Variants in FCHSD2 observed in about 807,000 individuals in gnomAD.
The protein encoded by FCHSD2 is FCH and double SH3 domains 2, also known as F-BAR and double SH3 domains protein 2.
FCHSD2 carries 38 observed loss-of-function variants against 108.1 expected under a neutral mutation model. That is an observed-to-expected ratio of 0.35 (90% CI 0.27 to 0.46). The LOEUF (loss-of-function observed/expected upper bound fraction) is 0.46. Ranked by LOEUF, FCHSD2 falls within the 20% of genes least tolerant of loss-of-function variation. The pLI, the probability that FCHSD2 is intolerant of heterozygous loss-of-function variation, is 1.00. For synonymous variants in FCHSD2, 279 were observed against 314.7 expected (o/e 0.89, Z 1.20); for missense variants, 751 against 897.8 (o/e 0.84, Z 2.09).
chr11:73,059,294 C>T (rs1286242012), intron 3 of FCHSD2, among the ~76,000 whole-genome samples: 1 of 151,648 alleles, frequency 6.6e-6, no homozygotes, highest in Admixed American at 6.6e-5. Flanking sequence ...TTTTTTAACC[C>T]CCATACCAGA....
At chr11:72,902,467 T>A (rs555671569) in intron 10 of FCHSD2, 76 bp downstream of exon 10, 158 of 926,334 alleles carry the variant, frequency 1.7e-4, no homozygotes, top group South Asian at 5.2e-4. Context: ...TCTGTCTGTC[T>A]ATGCCAAGGG....
chr11:72,952,300 G>A (rs180805587), intron 8 of FCHSD2, among the ~76,000 whole-genome samples: 12 of 150,814 alleles, frequency 8.0e-5, no homozygotes, highest in Non-Finnish European at 1.0e-4. Flanking sequence ...ACACTTTTTT[G>A]TTTGCTTGTG....
intron 3 of FCHSD2, among the ~76,000 whole-genome samples, chr11:73,070,031 C>T (rs562842709): frequency 6.6e-6 from 1 of 152,026 alleles, no homozygotes; most frequent in Non-Finnish European, 1.5e-5. Flanking sequence ...TTCCAGGTGG[C>T]GAAAGTAAAA....
intron 8 of FCHSD2, chr11:72,941,170 T>C (rs1856410156): frequency 2.7e-6 from 1 of 370,934 alleles, no homozygotes; most frequent in Non-Finnish European, 4.9e-6. Flanking sequence ...AAAAAATAAA[T>C]AAATAAGCTA....
At chr11:73,127,770 C>T (rs921986556) in intron 2 of FCHSD2, among the ~76,000 whole-genome samples, 1 of 151,656 alleles carries the variant, frequency 6.6e-6, no homozygotes, top group Non-Finnish European at 1.5e-5. Flanking sequence ...AGGCACTTCA[C>T]TAATGCCTTC....
chr11:72,903,604 T>A (rs1855572268), intron 9 of FCHSD2, among the ~76,000 whole-genome samples: 1 of 152,024 alleles, frequency 6.6e-6, no homozygotes, highest in South Asian at 2.1e-4. Flanking sequence ...TTCATTGCAT[T>A]TACATACCTT....
chr11:72,965,310 T>C (rs1216124395), intron 8 of FCHSD2, among the ~76,000 whole-genome samples: 1 of 152,220 alleles, frequency 6.6e-6, no homozygotes, highest in Non-Finnish European at 1.5e-5. Flanking sequence ...CATTTGCCTG[T>C]CTTCCAGGAA....
At chr11:72,874,787 A>G (rs951141789) in intron 12 of FCHSD2, among the ~76,000 whole-genome samples, 2 of 152,226 alleles carry the variant, frequency 1.3e-5, no homozygotes, top group Admixed American at 1.3e-4. Context: ...AGTTGCTTAT[A>G]AGTTAAAAAT....
In FCHSD2 at chr11:73,126,339, T is replaced by TAAAAAAAAAAAAAAAAAA. The variant is rs61586562; in HGVS notation, c.119+13674_119+13691dup. ...TGGGCAACAGGGCAAGATTCCATCT[T>TAAAAAAAAAAAAAAAAAA]AAAAAAAAAAAAAAAAAAAAAAAAA... is the stretch of plus-strand genomic sequence containing the variant. On this transcript the variant is annotated intron_variant, in intron 2 of 19. Coordinates refer to ENST00000409418, the MANE Select transcript of FCHSD2 (RefSeq NM_014824.3). Among the ~76,000 whole-genome samples, 14 of 27,650 alleles carry TAAAAAAAAAAAAAAAAAA rather than the reference T, an allele frequency of 5.1e-4. 1 individual carries two copies. Among genetic ancestry groups the TAAAAAAAAAAAAAAAAAA allele is most frequent in the Non-Finnish European group, 7.1e-4 (8 of 11,240 alleles). 18.1% of individuals were successfully genotyped at this position (27,650 alleles called of 152,430 possible).
intron 9 of FCHSD2, among the ~76,000 whole-genome samples, chr11:72,917,221 G>T (rs1311302149): frequency 6.6e-6 from 1 of 152,076 alleles, no homozygotes; most frequent in East Asian, 1.9e-4. Flanking sequence ...CTGATCTCAT[G>T]ATCCACCCAT....
At chr11:72,943,153 A>C (rs1210072517) in intron 8 of FCHSD2, among the ~76,000 whole-genome samples, 2 of 151,958 alleles carry the variant, frequency 1.3e-5, no homozygotes, top group Non-Finnish European at 2.9e-5. Flanking sequence ...CACCATGCCC[A>C]GCTAATTTTT....
intron 3 of FCHSD2, among the ~76,000 whole-genome samples, chr11:73,059,539 G>C (rs906423919): frequency 6.6e-6 from 1 of 151,980 alleles, no homozygotes; most frequent in Non-Finnish European, 1.5e-5. Context: ...AACTTCTTCT[G>C]CCTTGTACTA....
At chr11:72,929,969 T>C (rs1856155419) in intron 8 of FCHSD2, among the ~76,000 whole-genome samples, 1 of 152,140 alleles carries the variant, frequency 6.6e-6, no homozygotes. Context: ...CAGACTCCAG[T>C]TGTGTAAGAG....
intron 9 of FCHSD2, among the ~76,000 whole-genome samples, chr11:72,920,099 A>T (rs1855950172): frequency 6.6e-6 from 1 of 152,292 alleles, no homozygotes; most frequent in South Asian, 2.1e-4. Flanking sequence ...ACAATAACAT[A>T]AACTGTAAGA....
intron 13 of FCHSD2, among the ~76,000 whole-genome samples, chr11:72,859,742 T>C (rs1861521000): frequency 6.6e-6 from 1 of 152,146 alleles, no homozygotes; most frequent in Admixed American, 6.6e-5. Context: ...TCAGTACATA[T>C]ATGTGAAGAA....
chr11:72,941,718 T>C (rs533315283), intron 8 of FCHSD2, among the ~76,000 whole-genome samples: 1 of 152,338 alleles, frequency 6.6e-6, no homozygotes, highest in South Asian at 2.1e-4. Context: ...GGTGCAAGGA[T>C]AGGCACTTTC....
At chr11:73,009,686 G>T (rs1482257562) in intron 4 of FCHSD2, among the ~76,000 whole-genome samples, 1 of 148,864 alleles carries the variant, frequency 6.7e-6, no homozygotes, top group Non-Finnish European at 1.5e-5. Flanking sequence ...TTGGTTGGTA[G>T]TTTTTTTTTT....
At chr11:72,994,035 T>G (rs1418049573) in intron 5 of FCHSD2, among the ~76,000 whole-genome samples, 1 of 152,184 alleles carries the variant, frequency 6.6e-6, no homozygotes, top group Non-Finnish European at 1.5e-5. Context: ...TGTAAAAAAT[T>G]TTAGTCTCCT....
At chr11:72,898,373 G>T (rs1450133229) in intron 10 of FCHSD2, among the ~76,000 whole-genome samples, 1 of 152,114 alleles carries the variant, frequency 6.6e-6, no homozygotes, top group African/African-American at 2.4e-5. Context: ...GAATTCTCTT[G>T]CCTGTAAGGC....
Sources: allele counts gnomAD v4.1 joint callset (sites outside exome capture counted in the v4.1 genomes callset), GRCh38; gene constraint gnomAD v4.1.1; transcripts MANE v1.5; gene names NCBI Gene and HGNC (gene_info 2026-07-23, HGNC 2026-07-21).